The following CRACD variants were observed in gnomAD, a reference collection of about 807,000 sequenced individuals.
CRACD encodes capping protein-inhibiting regulator of actin dynamics.
CRACD carries 56 observed loss-of-function variants against 106.8 expected under a neutral mutation model. That is an observed-to-expected ratio of 0.52 (90% CI 0.42 to 0.66). The LOEUF (loss-of-function observed/expected upper bound fraction) is 0.66. CRACD is among the 30% of genes least tolerant of loss of function. The pLI is 0.00. For synonymous variants in CRACD, 754 were observed against 670.8 expected (o/e 1.12, Z -1.92); for missense variants, 1,730 against 1,623.2 (o/e 1.07, Z -1.13).
At chr4:56,198,532 G>A (rs1737730434) in intron 2 of CRACD, among the ~76,000 whole-genome samples, 1 of 152,192 alleles carries the variant, frequency 6.6e-6, no homozygotes, top group Admixed American at 6.5e-5. Flanking sequence ...GAACTACTTA[G>A]TACTTGTGAA....
intron 1 of CRACD, among the ~76,000 whole-genome samples, chr4:56,060,178 C>A (rs553805749): frequency 7.0e-4 from 107 of 152,188 alleles, no homozygotes; most frequent in African/African-American, 1.7e-3. Flanking sequence ...TGTTGGGAGT[C>A]GTACTGAACG....
intron 2 of CRACD, among the ~76,000 whole-genome samples, chr4:56,215,128 G>T (rs564034464): frequency 6.6e-6 from 1 of 152,134 alleles, no homozygotes; most frequent in Admixed American, 6.6e-5. Context: ...TCCCACCTCA[G>T]CCTCCCAAGT....
intron 2 of CRACD, among the ~76,000 whole-genome samples, chr4:56,205,508 C>T (rs898571795): frequency 4.0e-5 from 6 of 151,504 alleles, no homozygotes; most frequent in African/African-American, 1.2e-4. Flanking sequence ...TTTTACAATC[C>T]GGTTAAATGT....
chr4:56,183,287 A>AAATAAATAAAATAAAAT (rs1174258198), intron 2 of CRACD, among the ~76,000 whole-genome samples: 14 of 148,014 alleles, frequency 9.5e-5, no homozygotes, highest in African/African-American at 3.4e-4. Flanking sequence ...AAATAAAATA[A>AAATAAATAAAATAAAAT]AAAGAATTAG....
At chr4:56,250,561 T>C (rs965943356) in intron 2 of CRACD, among the ~76,000 whole-genome samples, 63 of 152,318 alleles carry the variant, frequency 4.1e-4, no homozygotes, top group African/African-American at 1.4e-3. Context: ...TTGCAAAGAA[T>C]GAGCTCTCAA....
intron 1 of CRACD, among the ~76,000 whole-genome samples, chr4:56,156,701 T>C (rs1393306850): frequency 6.6e-6 from 1 of 152,210 alleles, no homozygotes; most frequent in East Asian, 1.9e-4. Flanking sequence ...ACATGGACTC[T>C]AGGACCAAAC....
At chr4:56,097,682 A>T (rs1321680710) in intron 1 of CRACD, among the ~76,000 whole-genome samples, 1 of 152,192 alleles carries the variant, frequency 6.6e-6, no homozygotes, top group African/African-American at 2.4e-5. Context: ...AAGCTGGCTA[A>T]GAAATTTGAG....
intron 3 of CRACD, among the ~76,000 whole-genome samples, chr4:56,278,806 A>G (rs1560514699): frequency 6.6e-6 from 1 of 152,116 alleles, no homozygotes; most frequent in African/African-American, 2.4e-5. Flanking sequence ...CCCCTCCCCA[A>G]ATTTTTTTTT....
At chr4:56,218,600 C>T (rs868730376) in intron 2 of CRACD, among the ~76,000 whole-genome samples, 1 of 144,552 alleles carries the variant, frequency 6.9e-6, no homozygotes, top group African/African-American at 2.5e-5. Context: ...CCTTCCCCTT[C>T]CCTTCCCTCT....
chr4:56,303,066 TG>T (rs1744460712), intron 4 of CRACD, among the ~76,000 whole-genome samples: 1 of 152,160 alleles, frequency 6.6e-6, no homozygotes, highest in Non-Finnish European at 1.5e-5. Context: ...GTCTGGAGGC[TG>T]GGTGTGGTGG....
At position 56,327,252 on chromosome 4, in the gene CRACD, G is replaced by GA. The variant is rs566135549; in HGVS notation, c.3542-391dup. ...CTTTCCTTCATTCTCCTCACTGAGG[G>GA]AGTCCAGGAATTTGCCTCTCTGTGT... On this transcript the variant is annotated intron_variant, in intron 10 of 10. Coordinates refer to ENST00000682029, the MANE Select transcript of CRACD (RefSeq NM_001393381.1). Among the ~76,000 whole-genome samples, 354 of 152,236 alleles carry GA rather than the reference G, an allele frequency of 2.3e-3. 1 individual carries two copies. Among genetic ancestry groups the GA allele is most frequent in the Middle Eastern group, 3.4e-3 (1 of 294 alleles).
At chr4:56,117,059 C>T (rs1398852923) in intron 1 of CRACD, among the ~76,000 whole-genome samples, 9 of 136,532 alleles carry the variant, frequency 6.6e-5, no homozygotes, top group African/African-American at 2.3e-4. Flanking sequence ...CTTGCTCTGT[C>T]ACCCAGGCTG....
intron 2 of CRACD, among the ~76,000 whole-genome samples, chr4:56,185,429 G>A (rs570371502): frequency 9.2e-5 from 14 of 152,068 alleles, no homozygotes; most frequent in South Asian, 2.1e-4. Context: ...TGAATTTACC[G>A]TTTCTAGATA....
chr4:56,170,066 A>G (rs545264905), intron 1 of CRACD: 1 of 152,844 alleles, frequency 6.5e-6, no homozygotes, highest in Admixed American at 6.5e-5. Context: ...AACAACAACC[A>G]CAACAAAAAA....
intron 5 of CRACD, among the ~76,000 whole-genome samples, chr4:56,308,432 C>T (rs897766249): frequency 6.6e-6 from 1 of 150,618 alleles, no homozygotes; most frequent in African/African-American, 2.5e-5. Flanking sequence ...AGTAGCGAGT[C>T]AGGAATTCTC....
chr4:56,178,308 A>T (rs1458815956), intron 1 of CRACD, among the ~76,000 whole-genome samples: 1 of 152,188 alleles, frequency 6.6e-6, no homozygotes, highest in Non-Finnish European at 1.5e-5. Context: ...TCCTCTAAAT[A>T]GCCACTTTCT....
In CRACD at chr4:56,313,219, G is replaced by C. The variant is rs746752030; in HGVS notation, c.377G>C (p.Arg126Pro). 6.8e-6 allele frequency: 11 copies of C among 1,613,820 alleles called. No individual in the cohort carries two copies. Among genetic ancestry groups the C allele is most frequent in the African/African-American group, 1.3e-5 (1 of 74,846 alleles). Reference sequence around the variant, plus strand: ...CAGGTTGCTCCCGTTAAACCGTCTCGGCCAAAAAGGCACTTCTCTTCTGCT... The same window carrying C: ...CAGGTTGCTCCCGTTAAACCGTCTCCGCCAAAAAGGCACTTCTCTTCTGCT... ...EEKVAPVKPS[R>P]PKRHFSSAGT... Residue 126 changes from arginine (R) to proline (P), a missense_variant, in exon 7 of 11, where the codon CGG becomes CCG. Transcript: ENST00000682029.
At chr4:56,089,213 C>T (rs1352321077) in intron 1 of CRACD, among the ~76,000 whole-genome samples, 1 of 152,204 alleles carries the variant, frequency 6.6e-6, no homozygotes, top group East Asian at 1.9e-4. Context: ...TTTGAATTTC[C>T]TGTGCCAGCT....
chr4:56,130,105 T>C (rs1218583352), intron 1 of CRACD, among the ~76,000 whole-genome samples: 6 of 152,062 alleles, frequency 3.9e-5, no homozygotes, highest in Admixed American at 2.0e-4. Context: ...ACCCCGTCTC[T>C]ACAAAAAATA....
Sources: allele counts gnomAD v4.1 joint callset (sites outside exome capture counted in the v4.1 genomes callset), GRCh38; gene constraint gnomAD v4.1.1; transcripts MANE v1.5; gene names NCBI Gene and HGNC (gene_info 2026-07-23, HGNC 2026-07-21).